The following MCMDC2 variants were observed in gnomAD, a reference collection of about 807,000 sequenced individuals.
MCMDC2 encodes the protein minichromosome maintenance domain containing 2.
A neutral mutation model predicts 75.8 loss-of-function variants in MCMDC2; 54 were observed. The ratio of observed to expected loss-of-function variants is 0.71; its 90% confidence interval spans 0.57 to 0.89. MCMDC2 has a LOEUF of 0.89. MCMDC2 is among the 40% of genes least tolerant of loss of function. MCMDC2 has a pLI of 0.00. For synonymous variants in MCMDC2, 249 were observed against 274.6 expected, an observed-to-expected ratio of 0.91 and a Z score of 0.92; for missense variants, 656 against 780.4, an observed-to-expected ratio of 0.84 and a Z score of 1.90.
chr8:66,883,598 A>G (rs1471926945), intron 8 of MCMDC2, among the ~76,000 whole-genome samples, 159 bp from the exon 9 acceptor site: 1 of 152,086 alleles, frequency 6.6e-6, no homozygotes, highest in Non-Finnish European at 1.5e-5. Context: ...GTTCAAGACC[A>G]GCCTGGGAAA....
chr8:66,904,565 T>C (rs1397597796), intron 13 of MCMDC2, among the ~76,000 whole-genome samples: 1 of 152,196 alleles, frequency 6.6e-6, no homozygotes, highest in Non-Finnish European at 1.5e-5. Context: ...TACAAAGTAA[T>C]ACAGCTAGTA....
chr8:66,893,504 A>G (rs1051052581), intron 10 of MCMDC2, among the ~76,000 whole-genome samples: 6 of 152,190 alleles, frequency 3.9e-5, no homozygotes, highest in Non-Finnish European at 8.8e-5. Flanking sequence ...AGAGTGTGAA[A>G]GGCACATCTC....
At chr8:66,874,833 A>G (rs1007476358) in intron 4 of MCMDC2, among the ~76,000 whole-genome samples, 2 of 151,978 alleles carry the variant, frequency 1.3e-5, no homozygotes, top group East Asian at 1.9e-4. Context: ...ATCTCAGCTC[A>G]CTGCAACCTC....
rs1812655290 is a variant in MCMDC2, at chr8:66,901,426, T to C, written c.1769+78T>C. 8 of 1,522,520 alleles carry C rather than the reference T, an allele frequency of 5.3e-6. No homozygotes were observed. In the East Asian group the frequency reaches 1.8e-4, roughly 35 times the overall value. The allele number at this position is 1,522,520 out of a possible 1,614,324, so 94.3% of individuals were successfully genotyped here. A position where few individuals can be genotyped will look rare whatever the true frequency, so the allele number is the denominator to read the frequency against. On this transcript the variant is annotated intron_variant, in intron 13 of 14. Transcript: ENST00000422365. Reference sequence around the variant, plus strand: ...TTTAATTAAATTGCTAATTTACCTATTTCACTTGTTTCTCTGCTTGATTGC... The same window carrying C: ...TTTAATTAAATTGCTAATTTACCTACTTCACTTGTTTCTCTGCTTGATTGC...
chr8:66,873,356 A>C (rs576921585), intron 1 of MCMDC2, among the ~76,000 whole-genome samples: 1 of 152,338 alleles, frequency 6.6e-6, no homozygotes, highest in African/African-American at 2.4e-5. Flanking sequence ...CTGGGTCTAG[A>C]ACCAAGTTCT....
chr8:66,872,430 A>G (rs897039435), intron 1 of MCMDC2, among the ~76,000 whole-genome samples: 1 of 152,200 alleles, frequency 6.6e-6, no homozygotes, highest in Admixed American at 6.5e-5. Context: ...GTTATGACCC[A>G]TATACAAGGA....
intron 12 of MCMDC2, among the ~76,000 whole-genome samples, chr8:66,899,792 AGCT>A (rs1345060904): frequency 1.3e-5 from 2 of 150,048 alleles, no homozygotes; most frequent in African/African-American, 4.9e-5. Context: ...CACCGTGCCC[AGCT>A]GTCTCTATGC....
In MCMDC2 at chr8:66,896,415, T is replaced by C. The variant is rs1812355037; in HGVS notation, c.1446+79T>C. The C allele has an allele frequency of 2.3e-6, 3 of 1,324,070 alleles. No homozygotes were observed. The East Asian group carries it at 7.4e-5, about 33-fold the overall frequency. 82.0% of individuals were successfully genotyped at this position (1,324,070 alleles called of 1,614,324 possible). On this transcript the variant is annotated intron_variant, in intron 11 of 14. Coordinates refer to ENST00000422365, the MANE Select transcript of MCMDC2 (RefSeq NM_173518.5). ...AAATTTTAATACATCTTAATATTTT[T>C]GTTATTAACCTGTTTCTATACTTTA...
At position 66,896,801 on chromosome 8, in the gene MCMDC2, A is replaced by G. The variant is rs1395758493; in HGVS notation, c.1468A>G (p.Asn490Asp). The G allele has an allele frequency of 6.2e-7, 1 of 1,611,210 alleles. No individual in the cohort carries two copies. The highest frequency in any genetic ancestry group is 1.7e-5 in the Admixed American group (1 of 59,288). The change falls in exon 12 of 15, where the codon AAC becomes GAC. Residue 490 changes from asparagine (N) to aspartate (D), a missense_variant. By Grantham distance (23) the Asn-to-Asp change is conservative. Transcript: ENST00000422365. ...GTAGGATTGCAGTTTGATTCCAGCTAACCTTGTGGAGGCATTTGGTTTATT... is the reference window on the plus strand; with the variant it reads ...GTAGGATTGCAGTTTGATTCCAGCTGACCTTGTGGAGGCATTTGGTTTATT... Reference protein sequence around the residue: ...GQMDCSLIPANLVEAFGLLIN... With the variant: ...GQMDCSLIPADLVEAFGLLIN...
At position 66,880,907 on chromosome 8, in the gene MCMDC2, C is replaced by T. The variant is rs568318488; in HGVS notation, c.768C>T (p.Thr256=). 2.6e-6 allele frequency: 4 copies of T among 1,567,692 alleles called. No homozygotes were observed. The highest frequency in any genetic ancestry group is 2.7e-5 in the African/African-American group (2 of 73,464). The change falls in exon 8 of 15, where the codon ACC becomes ACT. Residue 256 remains threonine (T), a synonymous_variant. Coordinates refer to ENST00000422365, the MANE Select transcript of MCMDC2 (RefSeq NM_173518.5). ...GNEYKIIGIP[T]CVKTSQTAVC... ...AATATAAAATTATTGGAATTCCAAC[C>T]TGTGTAAAAACCTCACAAACTGCTG...
chr8:66,908,656 GCT>G (rs1812996300), intron 14 of MCMDC2, among the ~76,000 whole-genome samples: 2 of 152,232 alleles, frequency 1.3e-5, no homozygotes, highest in South Asian at 4.1e-4. Context: ...CATCACCCAG[GCT>G]GGAGTGCAGT....
chr8:66,900,058 C>T (rs1439331913), intron 12 of MCMDC2, among the ~76,000 whole-genome samples: 1 of 151,984 alleles, frequency 6.6e-6, no homozygotes, highest in African/African-American at 2.4e-5. Context: ...ATCACTTGAA[C>T]CAGGAGGCAG....
chr8:66,892,089 G>A (rs1812135239), intron 10 of MCMDC2, among the ~76,000 whole-genome samples: 1 of 152,222 alleles, frequency 6.6e-6, no homozygotes, highest in Non-Finnish European at 1.5e-5. Flanking sequence ...TCAGTCCACT[G>A]CTTCACTCCA....
chr8:66,904,779 G>A (rs1395570127), intron 13 of MCMDC2, among the ~76,000 whole-genome samples: 1 of 152,166 alleles, frequency 6.6e-6, no homozygotes, highest in Non-Finnish European at 1.5e-5. Flanking sequence ...TGTTGTAGAG[G>A]AAATTTAGTT....
chr8:66,903,794 T>C (rs1812800227), intron 13 of MCMDC2, among the ~76,000 whole-genome samples: 1 of 152,202 alleles, frequency 6.6e-6, no homozygotes, highest in African/African-American at 2.4e-5. Context: ...ATACATATTC[T>C]GTCCCGGTCA....
chr8:66,884,225 A>C, intron 9 of MCMDC2: 1 of 535,768 alleles, frequency 1.9e-6, no homozygotes. Flanking sequence ...TTGTAAATAA[A>C]TACATCCTTC....
chr8:66,891,124 A>G (rs1449842859), intron 10 of MCMDC2, 54 bp downstream of exon 10: 12 of 1,375,850 alleles, frequency 8.7e-6, no homozygotes, highest in East Asian at 4.9e-5. Context: ...ACTCTCATCC[A>G]TGTTGAGATA....
chr8:66,874,483 T>C (rs772710587), intron 3 of MCMDC2, 27 bp downstream of exon 3: 1 of 1,612,128 alleles, frequency 6.2e-7, no homozygotes, highest in South Asian at 1.1e-5. Context: ...AATAATTTTA[T>C]GCCACATGGA....
intron 14 of MCMDC2, among the ~76,000 whole-genome samples, chr8:66,910,723 C>T (rs762925364): frequency 2.6e-5 from 4 of 151,808 alleles, no homozygotes; most frequent in Middle Eastern, 3.2e-3. Flanking sequence ...GCTGGAGAAT[C>T]GCTTGAACCC....
Sources: gnomAD v4.1 joint callset for allele counts (sites outside exome capture counted in the v4.1 genomes callset) on GRCh38, gnomAD v4.1.1 for gene constraint, MANE v1.5 for transcripts, NCBI Gene and HGNC (gene_info 2026-07-23, HGNC 2026-07-21) for gene names.